The following NRK variants were observed in gnomAD, a reference collection of about 807,000 sequenced individuals.
NRK encodes nik-related protein kinase.
A neutral mutation model predicts 125.2 loss-of-function variants in NRK; 67 were observed. That is an observed-to-expected ratio of 0.54 (90% confidence interval 0.44 to 0.66). The LOEUF (loss-of-function observed/expected upper bound fraction) is 0.66. NRK is among the 30% of genes least tolerant of loss of function. The pLI, the probability that NRK is intolerant of heterozygous loss-of-function variation, is 0.00. For synonymous variants in NRK, 458 were observed against 429.0 expected, an observed-to-expected ratio of 1.07 and a Z score of -0.84; for missense variants, 1,224 against 1,192.9, an observed-to-expected ratio of 1.03 and a Z score of -0.38.
intron 22 of NRK, among the ~76,000 whole-genome samples, chrX:105,938,047 A>T (rs2040688249): frequency 8.9e-6 from 1 of 111,789 alleles, no homozygotes; most frequent in African/African-American, 3.3e-5. Context: ...GATCCCCTAA[A>T]GATCTTTACA....
intron 19 of NRK, among the ~76,000 whole-genome samples, chrX:105,930,117 C>T (rs7062358): frequency 0.12 from 12,876 of 111,256 alleles, 1,811 homozygotes; most frequent in African/African-American, 0.4. Context: ...ATGTTCATAT[C>T]TCTCTCCCAA....
intron 23 of NRK, among the ~76,000 whole-genome samples, chrX:105,941,583 G>GAGAGAGAGAGAGAGAGAA (rs2040742719): frequency 2.8e-5 from 3 of 108,559 alleles, no homozygotes; most frequent in African/African-American, 1.0e-4. Flanking sequence ...GAGAGAGAGA[G>GAGAGAGAGAGAGAGAGAA]AGAGAGAGAA....
chrX:105,921,068 C>A (rs2040437266), intron 16 of NRK, among the ~76,000 whole-genome samples: 1 of 95,673 alleles, frequency 1.0e-5, no homozygotes, highest in Non-Finnish European at 2.1e-5. Context: ...ATAGCAAAGA[C>A]TTGGAACCAA....
chrX:105,844,932 CA>C (rs2039382128), intron 2 of NRK, among the ~76,000 whole-genome samples: 1 of 111,460 alleles, frequency 9.0e-6, no homozygotes. Flanking sequence ...TGTAAGTGCT[CA>C]TATCTTTTGA....
intron 2 of NRK, among the ~76,000 whole-genome samples, chrX:105,839,139 G>T (rs1846576850): frequency 9.0e-6 from 1 of 111,018 alleles, no homozygotes; most frequent in Non-Finnish European, 1.9e-5. Context: ...TGACATTTGG[G>T]TTGCCTAGCC....
chrX:105,860,455 T>C (rs2039587463), intron 2 of NRK, among the ~76,000 whole-genome samples: 1 of 110,717 alleles, frequency 9.0e-6, no homozygotes, highest in Non-Finnish European at 1.9e-5. Context: ...AGTATACAGC[T>C]CAGTAGTTTT....
chrX:105,881,852 G>C (rs1461927944), intron 4 of NRK, 73 bp downstream of exon 4: 2 of 569,181 alleles, frequency 3.5e-6, no homozygotes, highest in Non-Finnish European at 5.9e-6. Flanking sequence ...TTATCCCTTT[G>C]CATTGTGTCA....
intron 4 of NRK, among the ~76,000 whole-genome samples, chrX:105,882,108 A>G (rs1472206716): frequency 1.8e-5 from 2 of 110,836 alleles, no homozygotes; most frequent in African/African-American, 6.6e-5. Flanking sequence ...TGCGATCTAC[A>G]GCAAATTTTG....
At chrX:105,831,279 T>C (rs755758256) in intron 2 of NRK, among the ~76,000 whole-genome samples, 160 bp downstream of exon 2, 5 of 112,207 alleles carry the variant, frequency 4.5e-5, no homozygotes, top group Non-Finnish European at 9.4e-5. Flanking sequence ...TTACTGTTTA[T>C]TATCACAAAA....
rs1394408332 is a variant in NRK at position 105,934,302 on chromosome X, T to G, written c.3357T>G (p.Gly1119=). The G allele has an allele frequency of 8.4e-7, 1 of 1,193,652 alleles. No homozygotes were observed. The highest frequency in any genetic ancestry group is 2.3e-5 in the Admixed American group (1 of 44,357). ...AGGCCTCAAATGCCATTGACTCAGG[T>G]GCTGCACCGTCAGCACCTGATCATG... ...GNEASNAIDS[G]AAPSAPDHES... The change falls in exon 20 of 29, where the codon GGT becomes GGG. Residue 1119 remains glycine, a synonymous_variant. Coordinates refer to ENST00000243300, the MANE Select transcript of NRK (RefSeq NM_198465.4).
intron 8 of NRK, among the ~76,000 whole-genome samples, 157 bp from the exon 9 acceptor site, chrX:105,900,461 C>T (rs2040143908): frequency 8.9e-6 from 1 of 111,765 alleles, no homozygotes; most frequent in Admixed American, 9.5e-5. Context: ...ATTATGTCTT[C>T]CTATAATGTC....
chrX:105,908,339 A>G, intron 12 of NRK, 36 bp downstream of exon 12: 1 of 728,865 alleles, frequency 1.4e-6, no homozygotes, highest in Non-Finnish European at 2.0e-6. Flanking sequence ...ATTTGATGAT[A>G]GCAATTCACA....
intron 2 of NRK, among the ~76,000 whole-genome samples, chrX:105,837,826 G>A (rs2039284418): frequency 9.0e-6 from 1 of 111,065 alleles, no homozygotes; most frequent in African/African-American, 3.3e-5. Flanking sequence ...AAGAAAATAG[G>A]TTGGAACTCA....
At chrX:105,856,587 AC>A (rs1352107305) in intron 2 of NRK, among the ~76,000 whole-genome samples, 1 of 110,972 alleles carries the variant, frequency 9.0e-6, no homozygotes, top group East Asian at 2.8e-4. Context: ...GGATACCACT[AC>A]CACAGGACCG....
chrX:105,916,328 A>G (rs777803416), intron 15 of NRK, among the ~76,000 whole-genome samples: 3 of 111,314 alleles, frequency 2.7e-5, no homozygotes, highest in African/African-American at 9.7e-5. Context: ...GTGATCTTCA[A>G]TAATTTTCAA....
chrX:105,898,115 A>T (rs180789614), intron 7 of NRK, among the ~76,000 whole-genome samples: 1 of 112,267 alleles, frequency 8.9e-6, no homozygotes, highest in East Asian at 2.8e-4. Context: ...GTAGGAATTT[A>T]AACTAAATTC....
At chrX:105,877,505 A>G in intron 2 of NRK, among the ~76,000 whole-genome samples, 2 of 111,605 alleles carry the variant, frequency 1.8e-5, no homozygotes, top group Non-Finnish European at 3.8e-5. Context: ...AAGGATATAC[A>G]GGAACCCCCT....
chrX:105,915,050 C>G (rs1383830476), intron 14 of NRK, among the ~76,000 whole-genome samples: 1 of 108,173 alleles, frequency 9.2e-6, no homozygotes, highest in African/African-American at 3.4e-5. Flanking sequence ...TGCACCCTTT[C>G]TTGAGTATTT....
chrX:105,939,755 A>C (rs1297689028), intron 22 of NRK, 119 bp from the exon 23 acceptor site: 3 of 424,545 alleles, frequency 7.1e-6, no homozygotes, highest in Non-Finnish European at 1.2e-5. Context: ...AGTTTTTTTT[A>C]AGGTGCTTTT....
Sources: gnomAD v4.1 joint callset for allele counts (sites outside exome capture counted in the v4.1 genomes callset) on GRCh38, gnomAD v4.1.1 for gene constraint, MANE v1.5 for transcripts, NCBI Gene and HGNC (gene_info 2026-07-23, HGNC 2026-07-21) for gene names.